STAG1: variants seen among roughly 807,000 people sequenced by gnomAD.
The protein encoded by STAG1 is STAG1 cohesin complex component.
A neutral mutation model predicts 170.9 loss-of-function variants in STAG1; 26 were observed. The observed-to-expected ratio is 0.15, with a 90% CI of 0.11 to 0.21. The LOEUF (loss-of-function observed/expected upper bound fraction) is 0.21, where lower values mean the gene tolerates loss of function less well. STAG1 is among the 10% of genes least tolerant of loss of function. The pLI, the probability that STAG1 is intolerant of heterozygous loss-of-function variation, is 1.00. For missense variants in STAG1, 964 were observed against 1,509.5 expected (o/e 0.64, Z 5.99); for synonymous variants, 514 against 497.7 (o/e 1.03, Z -0.44).
At chr3:136,598,555 T>A (rs930602006) in intron 4 of STAG1, among the ~76,000 whole-genome samples, 7 of 152,164 alleles carry the variant, frequency 4.6e-5, no homozygotes, top group African/African-American at 1.7e-4. Context: ...GCCTCCCAAG[T>A]AGCTGGGACT....
chr3:136,393,873 G>C (rs998129312), intron 22 of STAG1, among the ~76,000 whole-genome samples: 1 of 152,114 alleles, frequency 6.6e-6, no homozygotes, highest in African/African-American at 2.4e-5. Context: ...TAGGATTACA[G>C]GCATGAACCA....
intron 28 of STAG1, 92 bp from the exon 29 acceptor site, chr3:136,349,455 T>C: frequency 4.4e-6 from 4 of 905,464 alleles, no homozygotes; most frequent in Non-Finnish European, 7.1e-6. Flanking sequence ...TTCTGCAGGT[T>C]CTGAAGAATA....
intron 1 of STAG1, among the ~76,000 whole-genome samples, chr3:136,693,501 C>A (rs1471632062): frequency 6.6e-6 from 1 of 152,126 alleles, no homozygotes; most frequent in African/African-American, 2.4e-5. Context: ...TTTATGGCAA[C>A]TTTTTTTGCA....
chr3:136,578,407 T>C lies in STAG1; in HGVS notation c.298-9546A>G, dbSNP rs548570704. The stretch of plus-strand genomic sequence containing the variant: ...GCCCACAAGAATACTGTTTGATTTA[T>C]GGAGAAGAAAAAACTTTAGGCCTGG... On this transcript the variant is annotated intron_variant, in intron 4 of 33. Coordinates refer to ENST00000383202, the MANE Select transcript of STAG1 (RefSeq NM_005862.3). Among the ~76,000 whole-genome samples the C allele has an allele frequency of 2.0e-5, 3 of 152,320 alleles. No homozygotes were observed. In the South Asian group the frequency reaches 6.2e-4, roughly 32 times the overall value.
At chr3:136,371,241 G>A (rs1343835267) in intron 23 of STAG1, among the ~76,000 whole-genome samples, 2 of 152,166 alleles carry the variant, frequency 1.3e-5, no homozygotes, top group African/African-American at 4.8e-5. Flanking sequence ...GTTCATTGTA[G>A]ATTCTGGATA....
chr3:136,377,535 C>T (rs1937672655), intron 23 of STAG1, 125 bp downstream of exon 23: 1 of 681,054 alleles, frequency 1.5e-6, no homozygotes, highest in South Asian at 1.9e-5. Flanking sequence ...CAGTCTTGTT[C>T]CAGGTCCAGT....
chr3:136,501,898 T>C (rs989688798), intron 8 of STAG1, among the ~76,000 whole-genome samples: 7 of 152,152 alleles, frequency 4.6e-5, no homozygotes, highest in African/African-American at 1.4e-4. Context: ...AAACCCAGTA[T>C]AGGCCGGGCA....
At chr3:136,626,775 G>A (rs774486695) in intron 2 of STAG1, among the ~76,000 whole-genome samples, 6 of 152,286 alleles carry the variant, frequency 3.9e-5, no homozygotes, top group Admixed American at 1.3e-4. Flanking sequence ...CAAAAACCTT[G>A]TAAGAAGCAT....
At chr3:136,665,166 A>G (rs1250476114) in intron 1 of STAG1, among the ~76,000 whole-genome samples, 1 of 152,194 alleles carries the variant, frequency 6.6e-6, no homozygotes, top group African/African-American at 2.4e-5. Flanking sequence ...AGCATCACCC[A>G]TATTTTTATT....
intron 1 of STAG1, among the ~76,000 whole-genome samples, chr3:136,706,319 A>T (rs1159600318): frequency 6.6e-6 from 1 of 152,178 alleles, no homozygotes; most frequent in Non-Finnish European, 1.5e-5. Context: ...ACATGACACA[A>T]TCCTATATAT....
intron 9 of STAG1, among the ~76,000 whole-genome samples, chr3:136,499,252 C>A (rs1191733127): frequency 6.6e-6 from 1 of 152,136 alleles, no homozygotes; most frequent in Non-Finnish European, 1.5e-5. Context: ...GTGGCGCAAT[C>A]AAGGCTCACT....
At chr3:136,542,020 TAC>T (rs1177095562) in intron 6 of STAG1, 97 bp downstream of exon 6, 7 of 856,018 alleles carry the variant, frequency 8.2e-6, no homozygotes. Flanking sequence ...GATTTTCAGT[TAC>T]ACTAAACATC....
At chr3:136,504,247 T>A (rs1006848283) in intron 7 of STAG1, among the ~76,000 whole-genome samples, 8 of 152,086 alleles carry the variant, frequency 5.3e-5, no homozygotes, top group Non-Finnish European at 1.2e-4. Flanking sequence ...AATGTAAACA[T>A]CCTGAAAAAA....
intron 4 of STAG1, among the ~76,000 whole-genome samples, chr3:136,583,572 T>C: frequency 6.6e-6 from 1 of 152,108 alleles, no homozygotes; most frequent in Non-Finnish European, 1.5e-5. Flanking sequence ...GTGGATCACC[T>C]AAGGTCAGGA....
At chr3:136,566,862 T>C (rs1232012529) in intron 5 of STAG1, among the ~76,000 whole-genome samples, 1 of 152,180 alleles carries the variant, frequency 6.6e-6, no homozygotes, top group Non-Finnish European at 1.5e-5. Context: ...AGAAGTCTAG[T>C]TAAATAAATT....
rs528784218 is a variant in STAG1, at chr3:136,409,180, G to C, written c.2196+8705C>G. On this transcript the variant is annotated intron_variant, in intron 21 of 33. Coordinates refer to ENST00000383202, the MANE Select transcript of STAG1 (RefSeq NM_005862.3). Reference sequence around the variant, plus strand: ...TCGGGAGGCAGAGGCAGGAGAATTGGTTGAACCTGGGAGGCGGAGGTTGCA... The same window carrying C: ...TCGGGAGGCAGAGGCAGGAGAATTGCTTGAACCTGGGAGGCGGAGGTTGCA... Among the ~76,000 whole-genome samples, 17 of 152,118 alleles carry C rather than the reference G, an allele frequency of 1.1e-4. No homozygotes were observed. The South Asian group carries it at 2.7e-3, about 24-fold the overall frequency.
intron 4 of STAG1, among the ~76,000 whole-genome samples, chr3:136,580,832 C>A (rs1244987568): frequency 1.3e-5 from 2 of 152,094 alleles, no homozygotes; most frequent in Non-Finnish European, 2.9e-5. Context: ...CGCACCCGGC[C>A]TCTTGTATAA....
intron 1 of STAG1, among the ~76,000 whole-genome samples, chr3:136,691,855 G>C (rs570490548): frequency 1.3e-5 from 2 of 152,162 alleles, no homozygotes; most frequent in South Asian, 4.1e-4. Flanking sequence ...GACAAGTCCC[G>C]GGGAAAACTT....
intron 1 of STAG1, among the ~76,000 whole-genome samples, chr3:136,639,621 A>G (rs1329277287): frequency 6.6e-6 from 1 of 152,206 alleles, no homozygotes; most frequent in East Asian, 1.9e-4. Flanking sequence ...AAGAGATCCT[A>G]AAAGAATTAA....
Sources: allele counts gnomAD v4.1 joint callset (sites outside exome capture counted in the v4.1 genomes callset), GRCh38; gene constraint gnomAD v4.1.1; transcripts MANE v1.5; gene names NCBI Gene and HGNC (gene_info 2026-07-23, HGNC 2026-07-21).